CPHXL2: variants seen among roughly 807,000 people sequenced by gnomAD.
CPHXL2 encodes the protein cytoplasmic polyadenylated homeobox like 2.
chr16:75,675,692 C>T, the CPHXL2 span, among the ~76,000 whole-genome samples: 163 of 152,262 alleles, frequency 1.1e-3, 1 homozygote, highest in African/African-American at 3.8e-3. Flanking sequence ...CCTTTCATCC[C>T]AAAGTTTTTA....
chr16:75,669,899 C>T, the CPHXL2 span, among the ~76,000 whole-genome samples: 10 of 152,114 alleles, frequency 6.6e-5, no homozygotes, highest in East Asian at 7.8e-4. Context: ...CACAGCCTAA[C>T]ATATTTACTA....
the CPHXL2 span, among the ~76,000 whole-genome samples, chr16:75,673,470 A>C: frequency 8.5e-5 from 13 of 152,250 alleles, no homozygotes; most frequent in African/African-American, 2.6e-4. Context: ...AAAAATTAAA[A>C]AAAAAGTCTG....
the CPHXL2 span, among the ~76,000 whole-genome samples, chr16:75,667,915 T>C: frequency 1.3e-5 from 2 of 152,212 alleles, no homozygotes; most frequent in South Asian, 2.1e-4. Flanking sequence ...CAAGTAACCT[T>C]TGAGTCCACC....
At chr16:75,666,255 T>A in the CPHXL2 span, among the ~76,000 whole-genome samples, 1 of 151,896 alleles carries the variant, frequency 6.6e-6, no homozygotes. Flanking sequence ...TATATGCACC[T>A]AAAGCTGGAG....
At chr16:75,661,952 C>T in the CPHXL2 span, among the ~76,000 whole-genome samples, 1 of 152,190 alleles carries the variant, frequency 6.6e-6, no homozygotes, top group African/African-American at 2.4e-5. Flanking sequence ...GGGTGTCCTC[C>T]AATTCAATTC....
At chr16:75,662,385 T>G in the CPHXL2 span, among the ~76,000 whole-genome samples, 1 of 150,150 alleles carries the variant, frequency 6.7e-6, no homozygotes, top group Non-Finnish European at 1.5e-5. Flanking sequence ...CATGATTGAT[T>G]AAACCATCGA....
At chr16:75,660,763 A>T in the CPHXL2 span, 1 of 398,672 alleles carries the variant, frequency 2.5e-6, no homozygotes, top group South Asian at 1.3e-4. Context: ...TATGGCACAG[A>T]AGATGGGGGA....
At chr16:75,662,335 C>CTTT in the CPHXL2 span, among the ~76,000 whole-genome samples, 1 of 126,778 alleles carries the variant, frequency 7.9e-6, no homozygotes, top group Non-Finnish European at 1.6e-5. Flanking sequence ...TCTTTCTTTT[C>CTTT]TTTTTTTTTT....
the CPHXL2 span, among the ~76,000 whole-genome samples, chr16:75,663,666 G>A: frequency 1.3e-5 from 2 of 151,924 alleles, no homozygotes; most frequent in African/African-American, 2.4e-5. Context: ...GGTGGATCAC[G>A]AGGTCAGGAG....
the CPHXL2 span, among the ~76,000 whole-genome samples, chr16:75,673,075 CAAA>C: frequency 3.3e-4 from 24 of 73,176 alleles, no homozygotes; most frequent in Non-Finnish European, 4.0e-4. Flanking sequence ...GACCTTGTCT[CAAA>C]AAAAAAAAAA....
At chr16:75,660,688 C>G in the CPHXL2 span, 10 of 398,446 alleles carry the variant, frequency 2.5e-5, no homozygotes, top group Non-Finnish European at 4.4e-5. Flanking sequence ...GCACCTTGAG[C>G]GTAATCCAAA....
the CPHXL2 span, chr16:75,660,488 C>T: frequency 7.5e-5 from 30 of 398,422 alleles, no homozygotes; most frequent in Non-Finnish European, 1.3e-4. Context: ...GTGACTGAGC[C>T]GAGGGCCACT....
At chr16:75,672,093 G>A in the CPHXL2 span, among the ~76,000 whole-genome samples, 6 of 149,892 alleles carry the variant, frequency 4.0e-5, no homozygotes, top group Admixed American at 2.7e-4. Context: ...CCAACATGGT[G>A]AAACCGTCTC....
At chr16:75,665,099 C>G in the CPHXL2 span, among the ~76,000 whole-genome samples, 4 of 152,162 alleles carry the variant, frequency 2.6e-5, no homozygotes, top group African/African-American at 9.6e-5. Flanking sequence ...CCAAAAAAAG[C>G]AAGTGCCTGC....
the CPHXL2 span, chr16:75,660,642 A>T: frequency 1.3e-5 from 5 of 398,504 alleles, no homozygotes; most frequent in Non-Finnish European, 2.2e-5. Flanking sequence ...TGAGAGACAG[A>T]ATGAGCAAAG....
At chr16:75,670,675 T>C in the CPHXL2 span, among the ~76,000 whole-genome samples, 1 of 152,102 alleles carries the variant, frequency 6.6e-6, no homozygotes, top group Non-Finnish European at 1.5e-5. Context: ...TTTGTATTTT[T>C]AGCAGAAATG....
chr16:75,676,999 T>G, the CPHXL2 span: 1 of 398,594 alleles, frequency 2.5e-6, no homozygotes, highest in South Asian at 1.3e-4. Context: ...TGGGAAGACA[T>G]GTCGAAACTC....
chr16:75,664,933 ACTT>A, the CPHXL2 span, among the ~76,000 whole-genome samples: 1 of 152,188 alleles, frequency 6.6e-6, no homozygotes, highest in Non-Finnish European at 1.5e-5. Flanking sequence ...TTGACCTTGG[ACTT>A]CTCAGCCTCC....
At chr16:75,660,304 G>C in the CPHXL2 span, 1 of 398,568 alleles carries the variant, frequency 2.5e-6, no homozygotes, top group Non-Finnish European at 4.4e-6. Flanking sequence ...GCAGGCCCGT[G>C]TAGACCCCTC....
Sources: gnomAD v4.1 joint callset for allele counts (sites outside exome capture counted in the v4.1 genomes callset) on GRCh38, gnomAD v4.1.1 for gene constraint, MANE v1.5 for transcripts, NCBI Gene and HGNC (gene_info 2026-07-23, HGNC 2026-07-21) for gene names.